Variants in MRGPRF observed in about 807,000 individuals in gnomAD.
The protein encoded by MRGPRF is MAS related GPR family member F.
MRGPRF carries 2 observed loss-of-function variants against 3.3 expected under a neutral mutation model. The ratio of observed to expected loss-of-function variants is 0.61; its 90% CI spans 0.25 to 1.92. MRGPRF has a LOEUF of 1.92. Among genes scored for constraint, MRGPRF ranks in the 40% most tolerant of loss-of-function variants. The probability of loss-of-function intolerance (pLI) is 0.16; values close to 1 mark genes in which losing one functional copy is unlikely to be tolerated. For missense variants in MRGPRF, 500 were observed against 476.0 expected (o/e 1.05, Z -0.47); for synonymous variants, 242 against 222.7 (o/e 1.09, Z -0.77).
At chr11:69,006,774 G>C (rs1860500508) in intron 2 of MRGPRF, among the ~76,000 whole-genome samples, 1 of 151,660 alleles carries the variant, frequency 6.6e-6, no homozygotes, top group African/African-American at 2.4e-5. Flanking sequence ...CGGGCACGCG[G>C]CACCATGCCC....
chr11:69,011,888 G>A (rs1273029500), intron 1 of MRGPRF, among the ~76,000 whole-genome samples: 2 of 152,216 alleles, frequency 1.3e-5, no homozygotes, highest in African/African-American at 4.8e-5. Flanking sequence ...TACGCTGCAG[G>A]TGGGCATGCA....
chr11:69,013,199 C>T lies in MRGPRF; in HGVS notation c.-173G>A, dbSNP rs990230009. The stretch of plus-strand genomic sequence containing the variant: ...GCCAGCGCCGAGCGCGGCCCGGAGC[C>T]TTGGAAAATAGGAGCTCAGAGTAGA... On this transcript the variant is annotated 5_prime_UTR_variant, in exon 1 of 3. Coordinates refer to ENST00000309099, the MANE Select transcript of MRGPRF (RefSeq NM_145015.5). 6.6e-6 allele frequency: 1 copy of T among 152,234 alleles called. No individual in the cohort carries two copies. Among genetic ancestry groups the T allele is most frequent in the African/African-American group, 2.4e-5 (1 of 41,440 alleles). The allele number at this position is 152,234 out of a possible 1,614,324, so 9.4% of individuals were successfully genotyped here. A position where few individuals can be genotyped will look rare whatever the true frequency, so the allele number is the denominator to read the frequency against.
At chr11:69,012,592 C>G (rs934172790) in intron 1 of MRGPRF, 2 of 152,388 alleles carry the variant, frequency 1.3e-5, no homozygotes, top group Admixed American at 6.5e-5. Context: ...CCCACACGGA[C>G]ACCCCATGTG....
In MRGPRF at chr11:69,005,390, C is replaced by T; in HGVS notation, c.920G>A (p.Arg307Lys). 1.3e-6 allele frequency: 2 copies of T among 1,576,716 alleles called. No homozygotes were observed. Among genetic ancestry groups the T allele is most frequent in the Non-Finnish European group, 8.6e-7 (1 of 1,161,754 alleles). ...CCGCAGGGCCCGCTGGAAGACCACC[C>T]TGAGCGGCTCCCACAGCCGCTGCGA... ...DKSQRLWEPL[R>K]VVFQRALRDG... Residue 307 changes from arginine (R) to lysine (K), a missense_variant, in exon 3 of 3, where the codon AGG (arginine) becomes AAG (lysine). Transcript: ENST00000309099.
rs1186430549 is a variant in MRGPRF at position 69,005,856 on chromosome 11, A to G, written c.454T>C (p.Trp152Arg). 1 of 1,549,808 alleles carries G rather than the reference A, an allele frequency of 6.5e-7. No homozygotes were observed. Among genetic ancestry groups the G allele is most frequent in the East Asian group, 2.3e-5 (1 of 42,606 alleles). ...GACAGGCGCTTGGGCCGCCGGCGCC[A>G]GTACCAGGCGGGGAAGATGACCGAG... ...CASVIFPAWY[W>R]RRRPKRLSAV... Residue 152 changes from tryptophan to arginine, a missense_variant, in exon 3 of 3, where the codon TGG becomes CGG. Trp to Arg is a moderately radical substitution (Grantham distance 101). Transcript: ENST00000309099.
chr11:69,006,358 T>C (rs1860491621), intron 2 of MRGPRF, 97 bp from the exon 3 acceptor site: 3 of 1,355,760 alleles, frequency 2.2e-6, no homozygotes, highest in Admixed American at 2.3e-5. Context: ...GGGGTCCCAA[T>C]TAGGGACTTG....
chr11:69,004,667 CA>C lies in MRGPRF; in HGVS notation c.*610del, dbSNP rs1860432847. The C allele has an allele frequency of 6.6e-6, 1 of 152,254 alleles. No homozygotes were observed. Among genetic ancestry groups the C allele is most frequent in the Non-Finnish European group, 1.5e-5 (1 of 68,070 alleles). 9.4% of individuals were successfully genotyped at this position (152,254 alleles called of 1,614,324 possible). On this transcript the variant is annotated 3_prime_UTR_variant, in exon 3 of 3. Transcript: ENST00000309099. ...AGGCAGGTCAACTACCCAAGGCGGC[CA>C]AAGGCCCTTCCTGTCTCCAGAGCCT...
At chr11:69,012,989 A>T (rs1383319780) in intron 1 of MRGPRF, 94 bp downstream of exon 1, 1 of 153,234 alleles carries the variant, frequency 6.5e-6, no homozygotes, top group African/African-American at 2.4e-5. Context: ...CTGCCCCTAC[A>T]GTGCCCGCGT....
At position 69,005,725 on chromosome 11, in the gene MRGPRF, C is replaced by T. The variant is rs768624263; in HGVS notation, c.585G>A (p.Arg195=). Residue 195 remains arginine, a synonymous_variant, in exon 3 of 3, where the codon AGG becomes AGA. Coordinates refer to ENST00000309099, the MANE Select transcript of MRGPRF (RefSeq NM_145015.5). ...LGRGAPGAAC[R]HMDIFLGILL... ...GGATGCCCAGGAAGATGTCCATGTGCCTGCAGGCCGCGCCGGGGGCCCCGC... is the reference window on the plus strand; with the variant it reads ...GGATGCCCAGGAAGATGTCCATGTGTCTGCAGGCCGCGCCGGGGGCCCCGC... 7.1e-6 allele frequency: 11 copies of T among 1,550,370 alleles called. No homozygotes were observed. The highest frequency in any genetic ancestry group is 8.7e-7 in the Non-Finnish European group (1 of 1,146,810).
At chr11:69,006,810 G>A (rs1860501493) in intron 2 of MRGPRF, among the ~76,000 whole-genome samples, 1 of 152,118 alleles carries the variant, frequency 6.6e-6, no homozygotes, top group Admixed American at 6.5e-5. Flanking sequence ...TTTCAGTAGA[G>A]ACGGGGCTTC....
At chr11:69,013,284 G>C (rs1860643114), upstream of MRGPRF, 1 of 152,496 alleles carries the variant, frequency 6.6e-6, no homozygotes, top group African/African-American at 2.4e-5. Flanking sequence ...CCCAATTCCT[G>C]GCCCGGCAGG....
chr11:69,010,021 C>A, intron 1 of MRGPRF, 64 bp from the exon 2 acceptor site: 1 of 1,110,038 alleles, frequency 9.0e-7, no homozygotes, highest in East Asian at 2.5e-5. Context: ...CCTGGACCCC[C>A]GTGCCTAGGC....
intron 1 of MRGPRF, 21 bp from the exon 2 acceptor site, chr11:69,009,978 G>T: frequency 6.6e-7 from 1 of 1,505,408 alleles, no homozygotes; most frequent in Non-Finnish European, 9.0e-7. Context: ...CCCAGAGAGA[G>T]GGTGGATGAG....
At chr11:69,006,614 T>A (rs978172345) in intron 2 of MRGPRF, among the ~76,000 whole-genome samples, 1 of 130,606 alleles carries the variant, frequency 7.7e-6, no homozygotes, top group African/African-American at 2.9e-5. Flanking sequence ...CTGCAGAGCC[T>A]TTCCCTTTTT....
chr11:69,010,787 C>T (rs1193709338), intron 1 of MRGPRF, among the ~76,000 whole-genome samples: 3 of 152,122 alleles, frequency 2.0e-5, no homozygotes, highest in African/African-American at 7.2e-5. Context: ...GGGGGTGACC[C>T]TGCTGGAGGC....
chr11:69,007,016 A>C (rs575999283), intron 2 of MRGPRF, among the ~76,000 whole-genome samples: 1 of 152,232 alleles, frequency 6.6e-6, no homozygotes, highest in African/African-American at 2.4e-5. Flanking sequence ...GCTGCAGAGG[A>C]TATCGTTGGG....
At chr11:69,009,596 G>A (rs1444457282) in intron 2 of MRGPRF, 3 of 608,580 alleles carry the variant, frequency 4.9e-6, no homozygotes, top group Non-Finnish European at 8.9e-6. Flanking sequence ...GCTACAAGGC[G>A]ACCACAGTGT....
intron 1 of MRGPRF, chr11:69,012,365 A>G (rs1442365831): frequency 2.0e-5 from 3 of 152,246 alleles, no homozygotes; most frequent in Non-Finnish European, 2.9e-5. Flanking sequence ...TGCCGCCATC[A>G]GAGGGGCCTG....
chr11:69,009,955 C>T lies in MRGPRF; in HGVS notation c.-54G>A, dbSNP rs1860564003. On this transcript the variant is annotated splice_region_variant and 5_prime_UTR_variant, in exon 2 of 3. Transcript: ENST00000309099. ...CTGGCAGCTCACCAGTCTGCACACC[C>T]ACCTGGCAGAAGCCCAGAGAGAGGG... The T allele has an allele frequency of 2.6e-6, 4 of 1,564,734 alleles. No individual in the cohort carries two copies. The highest frequency in any genetic ancestry group is 3.5e-6 in the Non-Finnish European group (4 of 1,159,122).
Sources: allele counts gnomAD v4.1 joint callset (sites outside exome capture counted in the v4.1 genomes callset), GRCh38; gene constraint gnomAD v4.1.1; transcripts MANE v1.5; gene names NCBI Gene and HGNC (gene_info 2026-07-23, HGNC 2026-07-21).